Variants in FAM13B observed in about 807,000 individuals in gnomAD.
The protein encoded by FAM13B is protein FAM13B.
FAM13B carries 60 observed loss-of-function variants against 117.3 expected under a neutral mutation model. The ratio of observed to expected loss-of-function variants is 0.51; its 90% CI spans 0.42 to 0.63. The LOEUF is 0.63. Among genes scored for constraint, FAM13B ranks in the 30% least tolerant of loss-of-function variants. The pLI is 0.00. For synonymous variants in FAM13B, 332 were observed against 356.1 expected (o/e 0.93, Z 0.76); for missense variants, 972 against 1,091.9 (o/e 0.89, Z 1.55).
chr5:137,950,742 G>C (rs1764720393), intron 17 of FAM13B, among the ~76,000 whole-genome samples: 1 of 152,092 alleles, frequency 6.6e-6, no homozygotes, highest in South Asian at 2.1e-4. Flanking sequence ...AGCAGTAAAA[G>C]TGAAAGAAAA....
At chr5:137,976,212 C>T (rs1773949775) in intron 10 of FAM13B, among the ~76,000 whole-genome samples, 1 of 152,086 alleles carries the variant, frequency 6.6e-6, no homozygotes, top group African/African-American at 2.4e-5. Context: ...ACCTCGGCCT[C>T]CCAAAGTGCT....
intron 10 of FAM13B, 144 bp from the exon 11 acceptor site, chr5:137,962,613 C>T: frequency 3.1e-6 from 2 of 635,058 alleles, no homozygotes; most frequent in Non-Finnish European, 5.3e-6. Context: ...TAGTACTTAG[C>T]ATCTCTTTTT....
chr5:138,040,976 A>G (rs1042374296), intron 1 of FAM13B, among the ~76,000 whole-genome samples: 3 of 151,458 alleles, frequency 2.0e-5, no homozygotes, highest in African/African-American at 7.3e-5. Flanking sequence ...AGGCAGGAGA[A>G]TCACTTGAAC....
intron 1 of FAM13B, among the ~76,000 whole-genome samples, chr5:138,041,920 G>C (rs1561559618): frequency 6.6e-6 from 1 of 151,962 alleles, no homozygotes; most frequent in East Asian, 1.9e-4. Context: ...TAATAGCCAG[G>C]CACAGTGGTT....
At chr5:138,014,225 C>T (rs1299475987) in intron 4 of FAM13B, among the ~76,000 whole-genome samples, 1 of 152,226 alleles carries the variant, frequency 6.6e-6, no homozygotes, top group Non-Finnish European at 1.5e-5. Context: ...GCGTGAGTCC[C>T]CACGCCCAGC....
At chr5:138,003,959 G>A (rs1331472176) in intron 7 of FAM13B, among the ~76,000 whole-genome samples, 1 of 152,042 alleles carries the variant, frequency 6.6e-6, no homozygotes, top group African/African-American at 2.4e-5. Context: ...CTGTTCCTAG[G>A]AGCTGCAATT....
Position 137,985,395 on chromosome 5 carries a change from G to T in FAM13B, c.1047-6C>A, listed in dbSNP as rs1205406438. On this transcript the variant is annotated splice_polypyrimidine_tract_variant and splice_region_variant and intron_variant, in intron 9 of 23. Transcript: ENST00000689681. ...TATCATCAGCAATATCAATCCTAGG[G>T]ATGAAGTTTAAAAATCAGATCAGGC... The T allele has an allele frequency of 1.2e-6, 2 of 1,612,524 alleles. No individual in the cohort carries two copies. The highest frequency in any genetic ancestry group is 2.2e-5 in the East Asian group (1 of 44,808).
intron 1 of FAM13B, among the ~76,000 whole-genome samples, chr5:138,051,572 C>G (rs1029895020): frequency 2.6e-5 from 4 of 152,204 alleles, no homozygotes; most frequent in African/African-American, 7.2e-5. Context: ...AGTTGTATTA[C>G]TTAGTCAGTG....
chr5:137,958,448 T>TAA (rs1379732903), intron 13 of FAM13B, among the ~76,000 whole-genome samples: 1 of 145,442 alleles, frequency 6.9e-6, no homozygotes, highest in Non-Finnish European at 1.5e-5. Context: ...GCCTAGACCT[T>TAA]AAAAAAAAAA....
intron 7 of FAM13B, among the ~76,000 whole-genome samples, chr5:137,990,554 C>T (rs1778356962): frequency 6.6e-6 from 1 of 151,994 alleles, no homozygotes; most frequent in Non-Finnish European, 1.5e-5. Flanking sequence ...CCTTTTTTGT[C>T]AGATTAGATT....
At chr5:138,022,138 T>G (rs1207445244) in intron 1 of FAM13B, among the ~76,000 whole-genome samples, 4 of 148,568 alleles carry the variant, frequency 2.7e-5, no homozygotes, top group Non-Finnish European at 6.0e-5. Flanking sequence ...AAAAAAAGAA[T>G]AATACCTGTA....
intron 23 of FAM13B, among the ~76,000 whole-genome samples, chr5:137,941,482 G>A (rs924655214): frequency 6.6e-5 from 10 of 152,152 alleles, no homozygotes; most frequent in African/African-American, 2.4e-4. Context: ...GTGCCATACT[G>A]TATTATAGGA....
chr5:138,048,864 C>G (rs1791715592), intron 1 of FAM13B, among the ~76,000 whole-genome samples: 1 of 151,948 alleles, frequency 6.6e-6, no homozygotes, highest in African/African-American at 2.4e-5. Flanking sequence ...ACCTTTGCCA[C>G]TACCTCAATG....
intron 10 of FAM13B, among the ~76,000 whole-genome samples, chr5:137,966,612 T>A (rs1043486576): frequency 6.7e-6 from 1 of 150,034 alleles, no homozygotes; most frequent in South Asian, 2.1e-4. Context: ...AACACCTCAT[T>A]AAAGAAGATA....
At chr5:137,975,235 C>T (rs1773571987) in intron 10 of FAM13B, among the ~76,000 whole-genome samples, 1 of 152,110 alleles carries the variant, frequency 6.6e-6, no homozygotes, top group South Asian at 2.1e-4. Flanking sequence ...ACTAATATTC[C>T]CCTCTTCTGC....
intron 1 of FAM13B, among the ~76,000 whole-genome samples, chr5:138,031,152 T>C (rs1208654674): frequency 6.6e-6 from 1 of 152,196 alleles, no homozygotes; most frequent in Non-Finnish European, 1.5e-5. Context: ...ATAAAAGCAG[T>C]TATTTTATTG....
upstream of FAM13B, among the ~76,000 whole-genome samples, chr5:138,052,122 A>G (rs761775259): frequency 2.0e-5 from 3 of 152,098 alleles, no homozygotes; most frequent in African/African-American, 2.4e-5. Flanking sequence ...TCAAGGCAGC[A>G]GGCTGATGGC....
chr5:137,961,276 T>A (rs1355673194), intron 11 of FAM13B, among the ~76,000 whole-genome samples: 1 of 151,402 alleles, frequency 6.6e-6, no homozygotes, highest in Non-Finnish European at 1.5e-5. Context: ...TGCTAACTTA[T>A]ACACAGTTGA....
At chr5:137,975,844 T>G (rs1216069682) in intron 10 of FAM13B, among the ~76,000 whole-genome samples, 6 of 151,904 alleles carry the variant, frequency 3.9e-5, no homozygotes, top group Non-Finnish European at 5.9e-5. Context: ...TCTGACATTT[T>G]TTAGTCTCTC....
Sources: gnomAD v4.1 joint callset for allele counts (sites outside exome capture counted in the v4.1 genomes callset) on GRCh38, gnomAD v4.1.1 for gene constraint, MANE v1.5 for transcripts, NCBI Gene and HGNC (gene_info 2026-07-23, HGNC 2026-07-21) for gene names.